Variants in MTARC1 observed in about 807,000 individuals in gnomAD.
MTARC1 encodes the protein mitochondrial amidoxime-reducing component 1.
In MTARC1, 24 loss-of-function variants were observed where a neutral mutation model predicts 33.6. That is an observed-to-expected ratio of 0.72 (90% CI 0.52 to 1.01). The LOEUF (loss-of-function observed/expected upper bound fraction) is 1.01. Among genes scored for constraint, MTARC1 ranks in the 50% least tolerant of loss-of-function variants. MTARC1 has a pLI of 0.00. For missense variants in MTARC1, 417 were observed against 445.7 expected (o/e 0.94, Z 0.58); for synonymous variants, 187 against 189.5 (o/e 0.99, Z 0.11).
At chr1:220,791,378 C>T (rs1672413975) in intron 1 of MTARC1, 113 bp from the exon 2 acceptor site, 1 of 1,184,388 alleles carries the variant, frequency 8.4e-7, no homozygotes, top group Non-Finnish European at 1.2e-6. Flanking sequence ...CTCACACACA[C>T]CAGGCTTATG....
intron 1 of MTARC1, among the ~76,000 whole-genome samples, chr1:220,787,442 C>G (rs4846663): frequency 0.037 from 5,651 of 152,184 alleles, 278 homozygotes; most frequent in African/African-American, 0.11. Context: ...ACCCGTTTTC[C>G]CGGGGTGGGC....
At chr1:220,810,628 G>T (rs766911617) in intron 6 of MTARC1, among the ~76,000 whole-genome samples, 6 of 152,210 alleles carry the variant, frequency 3.9e-5, no homozygotes, top group Admixed American at 1.3e-4. Flanking sequence ...CGCTCTTTAC[G>T]GTCCTCTGCT....
chr1:220,801,915 T>A (rs1672820564), intron 4 of MTARC1, among the ~76,000 whole-genome samples: 1 of 151,774 alleles, frequency 6.6e-6, no homozygotes, highest in South Asian at 2.1e-4. Flanking sequence ...TCATCGGCAC[T>A]CCCCACACAC....
At chr1:220,805,027 TGGG>T (rs1672929057) in intron 4 of MTARC1, 22 bp from the exon 5 acceptor site, 1 of 1,613,774 alleles carries the variant, frequency 6.2e-7, no homozygotes, top group African/African-American at 1.3e-5. Flanking sequence ...GAGATGCTCA[TGGG>T]AATTTGTGCT....
At chr1:220,788,014 AG>A (rs759256159) in intron 1 of MTARC1, among the ~76,000 whole-genome samples, 407 of 152,226 alleles carry the variant, frequency 2.7e-3, no homozygotes, top group Middle Eastern at 0.014. Context: ...AATCAAAAAA[AG>A]AAAGAAAGAA....
At position 220,816,105 on chromosome 1, in the gene MTARC1, T is replaced by A. The variant is rs1480902021; in HGVS notation, c.*2687T>A. 1.3e-5 allele frequency: 2 copies of A among 152,246 alleles called. No individual in the cohort carries two copies. The highest frequency in any genetic ancestry group is 2.9e-5 in the Non-Finnish European group (2 of 68,072). The allele number at this position is 152,246 out of a possible 1,614,324, so 9.4% of individuals were successfully genotyped here. ...AAATACTCCTCCTCTCCTTCTCCCT[T>A]TACTGATAACGGGGCATGGTGAGGA... On this transcript the variant is annotated 3_prime_UTR_variant, in exon 7 of 7. Transcript: ENST00000366910.
intron 3 of MTARC1, among the ~76,000 whole-genome samples, chr1:220,797,106 T>C (rs1672646225): frequency 6.6e-6 from 1 of 152,214 alleles, no homozygotes. Context: ...ATTCTGTAAT[T>C]GCACATGGAG....
intron 6 of MTARC1, 92 bp from the exon 7 acceptor site, chr1:220,813,200 G>T (rs988357794): frequency 4.8e-5 from 74 of 1,555,476 alleles, no homozygotes; most frequent in Non-Finnish European, 6.4e-5. Flanking sequence ...CGAGCTGTGC[G>T]TGCGGAGGCC....
chr1:220,806,311 G>A (rs900394721), intron 6 of MTARC1, among the ~76,000 whole-genome samples: 16 of 152,058 alleles, frequency 1.1e-4, no homozygotes, highest in Non-Finnish European at 1.5e-5. Flanking sequence ...TACAGCCCCT[G>A]AGACCCTTCC....
chr1:220,816,216 C>T lies in MTARC1; in HGVS notation c.*2798C>T, dbSNP rs1673276975. 1 of 152,126 alleles carries T rather than the reference C, an allele frequency of 6.6e-6. No individual in the cohort carries two copies. The highest frequency in any genetic ancestry group is 1.9e-4 in the East Asian group (1 of 5,192). The allele number at this position is 152,126 out of a possible 1,614,324, so 9.4% of individuals were successfully genotyped here. The stretch of plus-strand genomic sequence containing the variant: ...ACTAGCCAAATGGGACTTCGGGAAA[C>T]CATTTATGAGGCTGTCACCAACAGT... On this transcript the variant is annotated 3_prime_UTR_variant, in exon 7 of 7. Coordinates refer to ENST00000366910, the MANE Select transcript of MTARC1 (RefSeq NM_022746.4).
chr1:220,791,974 G>T (rs769245256), intron 2 of MTARC1, among the ~76,000 whole-genome samples: 19 of 152,126 alleles, frequency 1.2e-4, no homozygotes, highest in Non-Finnish European at 2.5e-4. Flanking sequence ...GCACAAAAAT[G>T]GGGTGGGAGT....
intron 2 of MTARC1, 53 bp from the exon 3 acceptor site, chr1:220,796,590 G>T: frequency 6.6e-7 from 1 of 1,512,044 alleles, no homozygotes; most frequent in Non-Finnish European, 8.8e-7. Flanking sequence ...CACATATTAG[G>T]GTGCATGGAT....
At chr1:220,799,067 A>T in intron 4 of MTARC1, 1 of 985,184 alleles carries the variant, frequency 1.0e-6, no homozygotes, top group Non-Finnish European at 1.2e-6. Flanking sequence ...CAATGAGATG[A>T]TCATATTTCT....
chr1:220,795,026 A>T lies in MTARC1; in HGVS notation c.450-1617A>T, dbSNP rs180704182. Among the ~76,000 whole-genome samples the T allele has an allele frequency of 5.7e-3, 855 of 150,576 alleles. 42 individuals are homozygous for T. The East Asian group carries it at 0.15, about 26-fold the overall frequency. On this transcript the variant is annotated intron_variant, in intron 2 of 6. Transcript: ENST00000366910. ...AAAGCAATAAAATAAAATTATATACAATTATATAGGATACTATACTCAATA... is the reference window on the plus strand; with the variant it reads ...AAAGCAATAAAATAAAATTATATACTATTATATAGGATACTATACTCAATA...
At chr1:220,808,362 A>G (rs1327090360) in intron 6 of MTARC1, among the ~76,000 whole-genome samples, 1 of 152,168 alleles carries the variant, frequency 6.6e-6, no homozygotes, top group Non-Finnish European at 1.5e-5. Flanking sequence ...TCTGGCCCTA[A>G]TTGCTTCTAA....
intron 1 of MTARC1, among the ~76,000 whole-genome samples, chr1:220,789,562 A>G (rs1292940480): frequency 1.3e-5 from 2 of 152,256 alleles, no homozygotes; most frequent in African/African-American, 2.4e-5. Context: ...GTATTTACCA[A>G]AAGGAACTGG....
In MTARC1 at chr1:220,819,348, G is replaced by A. The variant is rs1430029920; in HGVS notation, c.*5930G>A. 1 of 152,164 alleles carries A rather than the reference G, an allele frequency of 6.6e-6. No homozygotes were observed. The highest frequency in any genetic ancestry group is 2.4e-5 in the African/African-American group (1 of 41,440). The allele number at this position is 152,164 out of a possible 1,614,324, so 9.4% of individuals were successfully genotyped here. On this transcript the variant is annotated 3_prime_UTR_variant, in exon 7 of 7. Coordinates refer to ENST00000366910, the MANE Select transcript of MTARC1 (RefSeq NM_022746.4). ...TATTGGTCAAACAGATCTCGTTAAT[G>A]TGGCCAAGATAAATGCAAGTCTATA...
intron 6 of MTARC1, among the ~76,000 whole-genome samples, chr1:220,808,016 T>C (rs6541160): frequency 0.24 from 36,936 of 152,018 alleles, 4,885 homozygotes; most frequent in Non-Finnish European, 0.3. Flanking sequence ...CAGAAATAGA[T>C]GATTCTGTGT....
chr1:220,800,305 C>A (rs1672752516), intron 4 of MTARC1, among the ~76,000 whole-genome samples: 1 of 152,226 alleles, frequency 6.6e-6, no homozygotes, highest in South Asian at 2.1e-4. Flanking sequence ...ATTCACCCAT[C>A]ATCGAGTGGG....
Sources: gnomAD v4.1 joint callset for allele counts (sites outside exome capture counted in the v4.1 genomes callset) on GRCh38, gnomAD v4.1.1 for gene constraint, MANE v1.5 for transcripts, NCBI Gene and HGNC (gene_info 2026-07-23, HGNC 2026-07-21) for gene names.